Variants in LARGE1 observed in about 807,000 individuals in gnomAD.
The protein encoded by LARGE1 is xylosyl- and glucuronyltransferase LARGE1.
A neutral mutation model predicts 87.6 loss-of-function variants in LARGE1; 43 were observed. The ratio of observed to expected loss-of-function variants is 0.49; its 90% CI spans 0.38 to 0.63. The LOEUF (loss-of-function observed/expected upper bound fraction) is 0.63, where lower values mean the gene tolerates loss of function less well. Ranked by LOEUF, LARGE1 falls within the 30% of genes least tolerant of loss-of-function variation. The pLI, the probability that LARGE1 is intolerant of heterozygous loss-of-function variation, is 0.00. For missense variants in LARGE1, 802 were observed against 1,000.2 expected (o/e 0.80, Z 2.67); for synonymous variants, 434 against 394.6 (o/e 1.10, Z -1.18).
chr22:33,173,406 T>C (rs775472393), intron 11 of LARGE1, among the ~76,000 whole-genome samples: 1 of 152,084 alleles, frequency 6.6e-6, no homozygotes, highest in Non-Finnish European at 1.5e-5. Flanking sequence ...ACAGACCAAA[T>C]TGTAAAGATC....
intron 6 of LARGE1, among the ~76,000 whole-genome samples, chr22:33,457,361 A>T (rs1467504046): frequency 7.5e-6 from 1 of 132,808 alleles, no homozygotes; most frequent in Non-Finnish European, 1.5e-5. Flanking sequence ...CATGTTGGCC[A>T]GGCTGGTCTC....
chr22:33,427,468 G>T (rs742012), intron 7 of LARGE1, among the ~76,000 whole-genome samples: 52,427 of 152,058 alleles, frequency 0.34, 9,603 homozygotes, highest in Non-Finnish European at 0.39. Context: ...GGAAAGAAAA[G>T]CAAACAAAGA....
chr22:33,686,272 T>C (rs1282107724), intron 2 of LARGE1, among the ~76,000 whole-genome samples: 1 of 152,050 alleles, frequency 6.6e-6, no homozygotes, highest in Non-Finnish European at 1.5e-5. Context: ...CTGACCGCCC[T>C]CTTTCCCTGG....
chr22:33,151,604 T>C, the LARGE1 span, among the ~76,000 whole-genome samples: 12 of 152,186 alleles, frequency 7.9e-5, no homozygotes, highest in Non-Finnish European at 1.5e-4. Context: ...CTCTATCAGA[T>C]TGAGGAAGTT....
chr22:33,849,369 A>G (rs1249065000), intron 1 of LARGE1, among the ~76,000 whole-genome samples: 4 of 152,086 alleles, frequency 2.6e-5, no homozygotes, highest in Admixed American at 6.6e-5. Context: ...CATCTTCACC[A>G]TAACTTCAAC....
intron 2 of LARGE1, among the ~76,000 whole-genome samples, chr22:33,751,934 C>A (rs145652119): frequency 2.5e-4 from 38 of 152,200 alleles, no homozygotes; most frequent in African/African-American, 8.9e-4. Flanking sequence ...TACCTAATTA[C>A]TACCAAGCCC....
intron 10 of LARGE1, among the ~76,000 whole-genome samples, chr22:33,320,020 G>C (rs1028626913): frequency 6.6e-6 from 1 of 152,182 alleles, no homozygotes; most frequent in Non-Finnish European, 1.5e-5. Context: ...AGCTTTTCAA[G>C]TCAATTTGCT....
chr22:33,672,765 T>G (rs1212507788), intron 2 of LARGE1, among the ~76,000 whole-genome samples: 3 of 152,174 alleles, frequency 2.0e-5, no homozygotes. Context: ...GAAGTAGATT[T>G]AAAATACCCC....
At chr22:33,289,339 G>A (rs1434049901) in intron 12 of LARGE1, among the ~76,000 whole-genome samples, 1 of 152,116 alleles carries the variant, frequency 6.6e-6, no homozygotes, top group Non-Finnish European at 1.5e-5. Flanking sequence ...TAAGTGACTT[G>A]GAGCCAGACA....
At chr22:33,880,173 G>A (rs531333175) in intron 1 of LARGE1, among the ~76,000 whole-genome samples, 28 of 152,224 alleles carry the variant, frequency 1.8e-4, no homozygotes, top group African/African-American at 6.0e-4. Context: ...AAGCATTTCC[G>A]GAAGACCAAT....
At chr22:33,914,805 T>C (rs964543873) in intron 1 of LARGE1, among the ~76,000 whole-genome samples, 3 of 152,124 alleles carry the variant, frequency 2.0e-5, no homozygotes. Context: ...GGCCTCTAAA[T>C]TCCTACTTAC....
chr22:33,900,381 A>G, intron 1 of LARGE1, among the ~76,000 whole-genome samples: 1 of 152,202 alleles, frequency 6.6e-6, no homozygotes, highest in African/African-American at 2.4e-5. Flanking sequence ...GAAAATTCTC[A>G]CAGACCACAT....
intron 5 of LARGE1, among the ~76,000 whole-genome samples, chr22:33,579,847 T>C (rs2078462162): frequency 6.6e-6 from 1 of 152,252 alleles, no homozygotes; most frequent in South Asian, 2.1e-4. Flanking sequence ...CAATTAATTC[T>C]AACTGCGGAA....
At chr22:33,886,957 C>T (rs1426672005) in intron 1 of LARGE1, among the ~76,000 whole-genome samples, 5 of 151,974 alleles carry the variant, frequency 3.3e-5, no homozygotes, top group Admixed American at 6.6e-5. Context: ...AAAAGTGCCT[C>T]GCAGGGCTTT....
At chr22:33,892,172 T>C (rs1003614668) in intron 1 of LARGE1, among the ~76,000 whole-genome samples, 4 of 152,200 alleles carry the variant, frequency 2.6e-5, no homozygotes, top group African/African-American at 9.6e-5. Context: ...TGCTACCTAA[T>C]GAGCCATCCC....
At chr22:33,671,940 AT>A (rs1302886056) in intron 2 of LARGE1, among the ~76,000 whole-genome samples, 2 of 152,184 alleles carry the variant, frequency 1.3e-5, no homozygotes, top group African/African-American at 4.8e-5. Context: ...CTCCTAAAAC[AT>A]TTTACATGAA....
intron 6 of LARGE1, among the ~76,000 whole-genome samples, chr22:33,511,737 T>C (rs1461694080): frequency 6.6e-6 from 1 of 152,228 alleles, no homozygotes; most frequent in East Asian, 1.9e-4. Flanking sequence ...GTTCTGCTCA[T>C]TCCATCCTTG....
intron 7 of LARGE1, among the ~76,000 whole-genome samples, chr22:33,418,256 C>A: frequency 6.6e-6 from 1 of 152,216 alleles, no homozygotes; most frequent in Non-Finnish European, 1.5e-5. Flanking sequence ...CAGAAATTCT[C>A]TGCTTTTACA....
At chr22:33,548,667 A>G (rs187180026) in intron 6 of LARGE1, among the ~76,000 whole-genome samples, 21 of 152,304 alleles carry the variant, frequency 1.4e-4, no homozygotes, top group Admixed American at 1.2e-3. Flanking sequence ...CGCCTGTCTC[A>G]GCCTCCCAAT....
Sources: allele counts gnomAD v4.1 joint callset (sites outside exome capture counted in the v4.1 genomes callset), GRCh38; gene constraint gnomAD v4.1.1; transcripts MANE v1.5; gene names NCBI Gene and HGNC (gene_info 2026-07-23, HGNC 2026-07-21).